PLEKHA5: variants seen among roughly 807,000 people sequenced by gnomAD.
The protein encoded by PLEKHA5 is pleckstrin homology domain containing A5.
A neutral mutation model predicts 181.9 loss-of-function variants in PLEKHA5; 55 were observed. The ratio of observed to expected loss-of-function variants is 0.30; its 90% confidence interval spans 0.24 to 0.38. The LOEUF is 0.38. Ranked by LOEUF, PLEKHA5 falls within the 10% of genes least tolerant of loss-of-function variation. The probability of loss-of-function intolerance (pLI) is 1.00; values close to 1 mark genes in which losing one functional copy is unlikely to be tolerated. For missense variants in PLEKHA5, 1,432 were observed against 1,549.5 expected (o/e 0.92, Z 1.27); for synonymous variants, 535 against 529.4 (o/e 1.01, Z -0.15).
chr12:19,269,717 C>G, intron 8 of PLEKHA5, 53 bp from the exon 9 acceptor site: 1 of 937,290 alleles, frequency 1.1e-6, no homozygotes. Context: ...TTTTCTTTTT[C>G]TTTTACAGAA....
In PLEKHA5 at chr12:19,236,680, A is replaced by G. The variant is rs559039525; in HGVS notation, c.228-17260A>G. Among the ~76,000 whole-genome samples the G allele has an allele frequency of 2.6e-4, 40 of 152,280 alleles. No homozygotes were observed. The East Asian group carries it at 5.2e-3, about 20-fold the overall frequency. Reference sequence around the variant, plus strand: ...TCAGTAAACGTTTTCTTCAGTAACTATTTGCATCCATATATCTTAGTGTTT... The same window carrying G: ...TCAGTAAACGTTTTCTTCAGTAACTGTTTGCATCCATATATCTTAGTGTTT... On this transcript the variant is annotated intron_variant, in intron 3 of 31. Transcript: ENST00000429027.
chr12:19,218,203 A>G (rs1455273562), intron 3 of PLEKHA5, among the ~76,000 whole-genome samples: 1 of 152,144 alleles, frequency 6.6e-6, no homozygotes, highest in Non-Finnish European at 1.5e-5. Context: ...TCAGAGAGGG[A>G]TAGGATTGTC....
chr12:19,336,675 C>T (rs927373233), intron 21 of PLEKHA5, 59 bp downstream of exon 21: 1 of 929,576 alleles, frequency 1.1e-6, no homozygotes, highest in African/African-American at 1.7e-5. Context: ...ACTGTACAAT[C>T]CACCTTGTTA....
intron 3 of PLEKHA5, among the ~76,000 whole-genome samples, chr12:19,171,035 A>G (rs965919110): frequency 2.0e-5 from 3 of 152,244 alleles, no homozygotes; most frequent in African/African-American, 7.2e-5. Context: ...TTTGGTATGT[A>G]AAATGAGAAT....
At chr12:19,129,924 G>T (rs770210420) in intron 1 of PLEKHA5, 36 bp downstream of exon 1, 2 of 1,566,464 alleles carry the variant, frequency 1.3e-6, no homozygotes, top group South Asian at 2.3e-5. Context: ...GCCCGCGGGG[G>T]CGGGAGGGCA....
At chr12:19,256,623 T>G (rs1432148223) in intron 5 of PLEKHA5, among the ~76,000 whole-genome samples, 5 of 152,206 alleles carry the variant, frequency 3.3e-5, no homozygotes, top group Non-Finnish European at 7.4e-5. Flanking sequence ...ATATTGGGCC[T>G]TAAAATTTTC....
At position 19,336,525 on chromosome 12, in the gene PLEKHA5, G is replaced by A. The variant is rs763223331; in HGVS notation, c.2459G>A (p.Arg820Gln). 5.8e-5 allele frequency: 93 copies of A among 1,592,590 alleles called. No homozygotes were observed. Among genetic ancestry groups the A allele is most frequent in the Middle Eastern group, 1.7e-4 (1 of 6,046 alleles). The change falls in exon 21 of 32, where the codon CGA becomes CAA. Residue 820 changes from arginine (R) to glutamine (Q), a missense_variant. Arg to Gln is a conservative substitution (Grantham distance 43). Coordinates refer to ENST00000429027, the MANE Select transcript of PLEKHA5 (RefSeq NM_001256470.2). ...ACTTTTTGGTTTTAGGAATTGGAAC[G>A]AGCATGGAGAGAATATGATAAGTTA... ...ELSRATAELE[R>Q]AWREYDKLEY...
At chr12:19,340,876 C>T (rs1313567306) in intron 21 of PLEKHA5, among the ~76,000 whole-genome samples, 1 of 150,062 alleles carries the variant, frequency 6.7e-6, no homozygotes, top group Admixed American at 6.7e-5. Context: ...TATCTGCTGA[C>T]CTTCCCTCCA....
chr12:19,293,746 T>C (rs2079056357), intron 15 of PLEKHA5, among the ~76,000 whole-genome samples: 1 of 152,144 alleles, frequency 6.6e-6, no homozygotes, highest in Non-Finnish European at 1.5e-5. Flanking sequence ...AAAGGACAGG[T>C]AAATATATCA....
rs117039449 is a variant in PLEKHA5, at chr12:19,345,619, G to T, written c.2663-223G>T. Among the ~76,000 whole-genome samples the T allele has an allele frequency of 4.8e-3, 730 of 151,842 alleles. 3 individuals are homozygous for T. Among genetic ancestry groups the T allele is most frequent in the Admixed American group, 8.3e-3 (127 of 15,228 alleles). On this transcript the variant is annotated intron_variant, in intron 22 of 31. Transcript: ENST00000429027. The stretch of plus-strand genomic sequence containing the variant: ...TCTCTACTAAAAATAAAAAAAATCA[G>T]TTGGGCGTGGTGGCGCACGCCTGTA...
intron 15 of PLEKHA5, among the ~76,000 whole-genome samples, chr12:19,303,982 A>G (rs1469846389): frequency 6.7e-6 from 1 of 150,246 alleles, no homozygotes; most frequent in Non-Finnish European, 1.5e-5. Context: ...TGCCCAGCTA[A>G]TTTTTTGTAG....
intron 3 of PLEKHA5, among the ~76,000 whole-genome samples, chr12:19,162,813 G>A (rs930209845): frequency 6.6e-6 from 1 of 152,264 alleles, no homozygotes; most frequent in East Asian, 1.9e-4. Context: ...TGAAAGTAAA[G>A]TGGTATAATT....
intron 3 of PLEKHA5, among the ~76,000 whole-genome samples, chr12:19,196,386 A>C (rs1199565890): frequency 2.0e-5 from 3 of 152,234 alleles, no homozygotes; most frequent in Non-Finnish European, 4.4e-5. Flanking sequence ...ACTGTCAACA[A>C]GTAATTTGTA....
intron 3 of PLEKHA5, among the ~76,000 whole-genome samples, chr12:19,198,542 C>T (rs1366265597): frequency 1.3e-5 from 2 of 152,110 alleles, no homozygotes; most frequent in Non-Finnish European, 2.9e-5. Flanking sequence ...AGTTTCATCC[C>T]CCATGAGAAT....
At chr12:19,320,653 G>C (rs759670412) in intron 18 of PLEKHA5, 29 bp downstream of exon 18, 1 of 996,410 alleles carries the variant, frequency 1.0e-6, no homozygotes, top group Non-Finnish European at 1.5e-6. Flanking sequence ...TATGTGGTCA[G>C]TACTCTGTCG....
chr12:19,271,273 G>C (rs2072671655), intron 10 of PLEKHA5, among the ~76,000 whole-genome samples: 1 of 152,180 alleles, frequency 6.6e-6, no homozygotes, highest in Admixed American at 6.5e-5. Flanking sequence ...CACTTTGGGA[G>C]GTTGAGGGAT....
At chr12:19,306,924 A>T in intron 15 of PLEKHA5, 1 of 864,376 alleles carries the variant, frequency 1.2e-6, no homozygotes, top group Non-Finnish European at 1.9e-6. Context: ...ATGCAATGGC[A>T]GGTCTTCTGC....
chr12:19,360,916 C>T (rs928118996), intron 28 of PLEKHA5, among the ~76,000 whole-genome samples: 4 of 151,980 alleles, frequency 2.6e-5, no homozygotes, highest in African/African-American at 4.8e-5. Context: ...CCACCACGCC[C>T]AGCTAATTTT....
rs1486956994 is a variant in PLEKHA5 at position 19,283,552 on chromosome 12, C to T, written c.1586C>T (p.Thr529Ile). 1 of 1,614,172 alleles carries T rather than the reference C, an allele frequency of 6.2e-7. No individual in the cohort carries two copies. The highest frequency in any genetic ancestry group is 8.5e-7 in the Non-Finnish European group (1 of 1,180,020). Residue 529 changes from threonine to isoleucine, a missense_variant, in exon 12 of 32, where the codon ACT becomes ATT. By Grantham distance (89) the Thr-to-Ile change is moderately conservative. Around this residue, in one of 2 missense-constraint regions of PLEKHA5, gnomAD observed 1,143 missense variants for 1,168.4 expected, o/e 0.98. Coordinates refer to ENST00000429027, the MANE Select transcript of PLEKHA5 (RefSeq NM_001256470.2). ...CAGAGCACCCTCCCTCGACACAGTA[C>T]TTTGAGTAGTCCCAAAACCATGGTA... ...NKQSTLPRHS[T>I]LSSPKTMVNI...
Sources: gnomAD v4.1 joint callset for allele counts (sites outside exome capture counted in the v4.1 genomes callset) on GRCh38, gnomAD v4.1.1 for gene constraint, gnomAD v4.1.1 regional missense constraint, MANE v1.5 for transcripts, NCBI Gene and HGNC (gene_info 2026-07-23, HGNC 2026-07-21) for gene names.